Variants in MS4A4A observed in about 807,000 individuals in gnomAD.
MS4A4A encodes the protein membrane spanning 4-domains A4A.
Under a neutral mutation model 28.0 loss-of-function variants are expected in MS4A4A, and 26 were observed. The ratio of observed to expected loss-of-function variants is 0.93; its 90% confidence interval spans 0.68 to 1.29. The LOEUF is 1.29. MS4A4A is among the 50% of genes most tolerant of loss of function. The pLI, the probability that MS4A4A is intolerant of heterozygous loss-of-function variation, is 0.00. For missense variants in MS4A4A, 290 were observed against 293.1 expected, an observed-to-expected ratio of 0.99 and a Z score of 0.08; for synonymous variants, 86 against 100.8, an observed-to-expected ratio of 0.85 and a Z score of 0.88.
At chr11:60,283,788 A>G (rs1391918646) in intron 1 of MS4A4A, among the ~76,000 whole-genome samples, 2 of 152,162 alleles carry the variant, frequency 1.3e-5, no homozygotes, top group African/African-American at 4.8e-5. Flanking sequence ...TATTTTAGCC[A>G]TATGCTCCAA....
chr11:60,283,536 A>T (rs1304183253), intron 1 of MS4A4A, among the ~76,000 whole-genome samples: 1 of 151,920 alleles, frequency 6.6e-6, no homozygotes, highest in East Asian at 1.9e-4. Flanking sequence ...ACATAGGAAG[A>T]TTTGCGCCAC....
chr11:60,292,650 G>A (rs761986393), intron 2 of MS4A4A, among the ~76,000 whole-genome samples: 6 of 152,196 alleles, frequency 3.9e-5, no homozygotes, highest in Non-Finnish European at 7.3e-5. Flanking sequence ...AACTCAGTGT[G>A]GAAAAGCAGC....
rs1590757327 is a variant in MS4A4A at position 60,297,064 on chromosome 11, T to C, written c.202-133T>C. The C allele has an allele frequency of 4.8e-6, 5 of 1,051,440 alleles. No homozygotes were observed. The East Asian group carries it at 9.8e-5, about 21-fold the overall frequency. The allele number at this position is 1,051,440 out of a possible 1,614,324, so 65.1% of individuals were successfully genotyped here. ...GGTTATTTATGTGAAAAAAGAGTGA[T>C]AAGAGAATACTAAGAAGGTCATATG... On this transcript the variant is annotated intron_variant, in intron 2 of 6. Transcript: ENST00000337908.
At chr11:60,286,170 T>C (rs943416699) in intron 1 of MS4A4A, among the ~76,000 whole-genome samples, 8 of 152,220 alleles carry the variant, frequency 5.3e-5, no homozygotes, top group Non-Finnish European at 1.0e-4. Context: ...TCAGACCTTA[T>C]GGTTATCTCC....
intron 5 of MS4A4A, among the ~76,000 whole-genome samples, chr11:60,304,501 T>C (rs1012987733): frequency 2.2e-4 from 33 of 152,360 alleles, no homozygotes; most frequent in African/African-American, 7.9e-4. Context: ...CCTGTTCTTA[T>C]AGCAGAGGAC....
At position 60,296,546 on chromosome 11, in the gene MS4A4A, T is replaced by A. The variant is rs182070377; in HGVS notation, c.202-651T>A. ...ATTTGCACTTCTTTTTCTAGTTTCT[T>A]AAGGTAGACTCTCAGGAGATTGATT... On this transcript the variant is annotated intron_variant, in intron 2 of 6. Transcript: ENST00000337908. 1.4e-4 allele frequency among the ~76,000 whole-genome samples: 22 copies of A among 152,218 alleles called. No homozygotes were observed. In the East Asian group the frequency reaches 3.9e-3, roughly 27 times the overall value.
At chr11:60,288,365 A>C (rs2135013920) in intron 1 of MS4A4A, among the ~76,000 whole-genome samples, 1 of 152,320 alleles carries the variant, frequency 6.6e-6, no homozygotes, top group African/African-American at 2.4e-5. Flanking sequence ...AGAGTCTTGC[A>C]AAACTACTGT....
intron 6 of MS4A4A, among the ~76,000 whole-genome samples, chr11:60,306,766 C>G (rs980869118): frequency 4.6e-5 from 7 of 152,188 alleles, no homozygotes; most frequent in Admixed American, 2.0e-4. Flanking sequence ...AGTGCATAAC[C>G]TCTGAATCCA....
At chr11:60,301,390 T>C (rs1199716138) in intron 4 of MS4A4A, among the ~76,000 whole-genome samples, 1 of 152,188 alleles carries the variant, frequency 6.6e-6, no homozygotes, top group Admixed American at 6.5e-5. Context: ...GCATTGGTGT[T>C]GTGTAATATT....
chr11:60,288,983 G>A (rs2084826372), intron 1 of MS4A4A, among the ~76,000 whole-genome samples: 1 of 152,120 alleles, frequency 6.6e-6, no homozygotes. Flanking sequence ...CAACTAAGAT[G>A]GGGGCATGGA....
chr11:60,289,745 T>C (rs935329188), intron 1 of MS4A4A, among the ~76,000 whole-genome samples: 5 of 152,104 alleles, frequency 3.3e-5, no homozygotes, highest in African/African-American at 9.7e-5. Flanking sequence ...CTCCCTTCTA[T>C]TATGACCATT....
At chr11:60,282,770 G>A in intron 1 of MS4A4A, 1 of 1,222,906 alleles carries the variant, frequency 8.2e-7, no homozygotes, top group Non-Finnish European at 1.0e-6. Context: ...TGCTGAAGTA[G>A]CCGAGCTTTT....
In MS4A4A at chr11:60,294,537, A is replaced by G. The variant is rs1360938103; in HGVS notation, c.201+2153A>G. On this transcript the variant is annotated intron_variant, in intron 2 of 6. Transcript: ENST00000337908. ...ATTGACAAATTCATCACCAAACCCAAGGTCATCTAGATTTTGGCCTATGTT... is the reference window on the plus strand; with the variant it reads ...ATTGACAAATTCATCACCAAACCCAGGGTCATCTAGATTTTGGCCTATGTT... Among the ~76,000 whole-genome samples, 4 of 152,270 alleles carry G rather than the reference A, an allele frequency of 2.6e-5. No individual in the cohort carries two copies. In the East Asian group the frequency reaches 5.8e-4, roughly 22 times the overall value.
chr11:60,297,836 T>C (rs1394861734), intron 3 of MS4A4A, among the ~76,000 whole-genome samples: 1 of 151,974 alleles, frequency 6.6e-6, no homozygotes, highest in Non-Finnish European at 1.5e-5. Context: ...CTGGGAGGAG[T>C]CTACCCTACC....
intron 3 of MS4A4A, among the ~76,000 whole-genome samples, chr11:60,300,532 C>T (rs564928319): frequency 6.2e-5 from 9 of 144,936 alleles, no homozygotes; most frequent in African/African-American, 1.0e-4. Flanking sequence ...AGGAGAATGG[C>T]GTGAACCCGG....
intron 6 of MS4A4A, among the ~76,000 whole-genome samples, chr11:60,307,827 T>G (rs2085018036): frequency 6.6e-6 from 1 of 152,220 alleles, no homozygotes; most frequent in African/African-American, 2.4e-5. Context: ...CACCTTGGTT[T>G]ACCCAACGTA....
chr11:60,293,207 G>A (rs963863116), intron 2 of MS4A4A, among the ~76,000 whole-genome samples: 1 of 152,110 alleles, frequency 6.6e-6, no homozygotes, highest in Non-Finnish European at 1.5e-5. Flanking sequence ...ACAGGCATGA[G>A]CCATCACACC....
At position 60,308,228 on chromosome 11, in the gene MS4A4A, T is replaced by C; in HGVS notation, c.*50T>C. 1.9e-6 allele frequency: 3 copies of C among 1,554,884 alleles called. No homozygotes were observed. The highest frequency in any genetic ancestry group is 1.8e-6 in the Non-Finnish European group (2 of 1,127,120). ...ATGCTCCAGAAATCTATGCTGACTG[T>C]GACACAAGAGCCTCACATGAGAAAT... On this transcript the variant is annotated 3_prime_UTR_variant, in exon 7 of 7. Transcript: ENST00000337908.
intron 3 of MS4A4A, among the ~76,000 whole-genome samples, chr11:60,300,489 T>G (rs1442651489): frequency 2.0e-5 from 3 of 151,396 alleles, no homozygotes; most frequent in Non-Finnish European, 4.4e-5. Context: ...AGTGGCGGGC[T>G]CCTGTAGTCC....
Sources: allele counts gnomAD v4.1 joint callset (sites outside exome capture counted in the v4.1 genomes callset), GRCh38; gene constraint gnomAD v4.1.1; transcripts MANE v1.5; gene names NCBI Gene and HGNC (gene_info 2026-07-23, HGNC 2026-07-21).